Variants in QPCT observed in about 807,000 individuals in gnomAD.
QPCT encodes glutaminyl-peptide cyclotransferase.
A neutral mutation model predicts 43.4 loss-of-function variants in QPCT; 44 were observed. The observed-to-expected ratio is 1.01, with a 90% CI of 0.80 to 1.30. The LOEUF is 1.30. Among genes scored for constraint, QPCT ranks in the 50% most tolerant of loss-of-function variants. The probability of loss-of-function intolerance (pLI) is 0.00; values close to 1 mark genes in which losing one functional copy is unlikely to be tolerated. For synonymous variants in QPCT, 168 were observed against 168.4 expected (o/e 1.00, Z 0.02); for missense variants, 526 against 436.5 (o/e 1.21, Z -1.83).
intron 1 of QPCT, among the ~76,000 whole-genome samples, chr2:37,350,261 G>T (rs1191457934): frequency 6.6e-6 from 1 of 152,212 alleles, no homozygotes; most frequent in African/African-American, 2.4e-5. Flanking sequence ...GGTGAGGGGG[G>T]AGACCAGACA....
At chr2:37,354,229 T>C (rs1672692718) in intron 2 of QPCT, among the ~76,000 whole-genome samples, 1 of 152,222 alleles carries the variant, frequency 6.6e-6, no homozygotes, top group Non-Finnish European at 1.5e-5. Flanking sequence ...TCCATATGTC[T>C]GTGTCCCCAT....
chr2:37,347,245 T>A (rs946261519), intron 1 of QPCT, among the ~76,000 whole-genome samples: 2 of 108,116 alleles, frequency 1.8e-5, no homozygotes, highest in African/African-American at 3.7e-5. Context: ...TATATATATA[T>A]AACATATATA....
rs753696536 is a variant in QPCT, at chr2:37,359,796, G to A, written c.484G>A (p.Val162Met). Residue 162 changes from valine (V) to methionine (M), a missense_variant, in exon 3 of 7, where the codon GTG (valine) becomes ATG (methionine). By Grantham distance (21) the Val-to-Met change is conservative. Coordinates refer to ENST00000338415, the MANE Select transcript of QPCT (RefSeq NM_012413.4). ...GTTTGTAGGAGCCACTGATTCAGCC[G>A]TGCCATGTGCAATGATGTTGGAACT... ...RVFVGATDSAVPCAMMLELAR... is the reference protein window; with the variant it reads ...RVFVGATDSAMPCAMMLELAR... 21 of 1,614,046 alleles carry A rather than the reference G, an allele frequency of 1.3e-5. No homozygotes were observed. The highest frequency in any genetic ancestry group is 4.0e-5 in the African/African-American group (3 of 74,910).
At chr2:37,368,116 T>C (rs1358994583) in intron 4 of QPCT, among the ~76,000 whole-genome samples, 1 of 152,134 alleles carries the variant, frequency 6.6e-6, no homozygotes, top group Non-Finnish European at 1.5e-5. Context: ...AAGAATTTCC[T>C]TGGTGGCTTC....
At chr2:37,362,399 A>C (rs1466869892) in intron 3 of QPCT, among the ~76,000 whole-genome samples, 1 of 152,236 alleles carries the variant, frequency 6.6e-6, no homozygotes, top group Non-Finnish European at 1.5e-5. Flanking sequence ...TTAAACCCTG[A>C]GTGCATTTAT....
intron 1 of QPCT, among the ~76,000 whole-genome samples, chr2:37,351,754 C>A (rs979395025): frequency 2.6e-5 from 4 of 152,164 alleles, no homozygotes; most frequent in African/African-American, 9.6e-5. Flanking sequence ...TGGTGGCATG[C>A]ACCTGTAATC....
intron 1 of QPCT, among the ~76,000 whole-genome samples, chr2:37,347,183 T>TATATATAACATATATATAAC (rs1558599430): frequency 1.9e-4 from 11 of 56,908 alleles, no homozygotes; most frequent in Admixed American, 8.9e-4. Flanking sequence ...ATATATAACA[T>TATATATAACATATATATAAC]ATATATATAA....
chr2:37,368,628 A>G (rs767682185), intron 4 of QPCT: 16 of 471,066 alleles, frequency 3.4e-5, no homozygotes, highest in South Asian at 2.5e-4. Flanking sequence ...CCTGTTATCC[A>G]TTGGCAGCTC....
At chr2:37,345,596 G>A (rs1049144515) in intron 1 of QPCT, among the ~76,000 whole-genome samples, 1 of 152,146 alleles carries the variant, frequency 6.6e-6, no homozygotes, top group Non-Finnish European at 1.5e-5. Flanking sequence ...AGCACTTTGG[G>A]AGGCCGAGGC....
Position 37,372,842 on chromosome 2 carries a change from T to G in QPCT, c.*15T>G, listed in dbSNP as rs909086215. ...TTCATTTGTAATACTCTGATTTAGTTTAGGATAATTGGTTCTAGAATTGAA... is the reference window on the plus strand; with the variant it reads ...TTCATTTGTAATACTCTGATTTAGTGTAGGATAATTGGTTCTAGAATTGAA... On this transcript the variant is annotated 3_prime_UTR_variant, in exon 7 of 7. Coordinates refer to ENST00000338415, the MANE Select transcript of QPCT (RefSeq NM_012413.4). 1.9e-5 allele frequency: 30 copies of G among 1,587,820 alleles called. No individual in the cohort carries two copies. Among genetic ancestry groups the G allele is most frequent in the Non-Finnish European group, 2.6e-5 (30 of 1,165,006 alleles).
In QPCT at chr2:37,373,019, C is replaced by T; in HGVS notation, c.*192C>T. The T allele has an allele frequency of 2.3e-6, 1 of 433,540 alleles. No homozygotes were observed. The highest frequency in any genetic ancestry group is 4.2e-5 in the Admixed American group (1 of 23,568). 26.9% of individuals were successfully genotyped at this position (433,540 alleles called of 1,614,324 possible). ...TTGTGATATTGTGTCCTAAATTGCT[C>T]ATTAATTTTTATTTACAGATTGAAA... On this transcript the variant is annotated 3_prime_UTR_variant, in exon 7 of 7. Transcript: ENST00000338415.
chr2:37,344,710 G>T lies in QPCT; in HGVS notation c.-22G>T. 2 of 1,589,068 alleles carry T rather than the reference G, an allele frequency of 1.3e-6. No homozygotes were observed. Among genetic ancestry groups the T allele is most frequent in the African/African-American group, 1.4e-5 (1 of 73,902 alleles). ...TGACCGCCAGCGGCCCGGGGAACCC[G>T]CTCCCAGACAGACTCGGAGAGATGG... On this transcript the variant is annotated 5_prime_UTR_variant, in exon 1 of 7. Coordinates refer to ENST00000338415, the MANE Select transcript of QPCT (RefSeq NM_012413.4).
chr2:37,359,801 A>G lies in QPCT; in HGVS notation c.489A>G (p.Pro163=), dbSNP rs990687054. ...TAGGAGCCACTGATTCAGCCGTGCC[A>G]TGTGCAATGATGTTGGAACTTGCTC... ...VFVGATDSAV[P]CAMMLELARA... is the part of the protein sequence containing the mutation. Residue 163 remains proline, a synonymous_variant, in exon 3 of 7, where the codon CCA becomes CCG. Transcript: ENST00000338415. 3.7e-6 allele frequency: 6 copies of G among 1,614,218 alleles called. No homozygotes were observed. The highest frequency in any genetic ancestry group is 4.2e-6 in the Non-Finnish European group (5 of 1,180,034).
chr2:37,360,009 G>A, intron 3 of QPCT, 151 bp downstream of exon 3: 2 of 848,672 alleles, frequency 2.4e-6, no homozygotes, highest in Non-Finnish European at 1.8e-6. Context: ...AAGATTGCAT[G>A]ATTGGGAATA....
At position 37,352,919 on chromosome 2, in the gene QPCT, G is replaced by A. The variant is rs1214399101; in HGVS notation, c.251G>A (p.Ser84Asn). The change falls in exon 2 of 7, where the codon AGC becomes AAC. Residue 84 changes from serine to asparagine, a missense_variant. Transcript: ENST00000338415. Reference protein sequence around the residue: ...LIERYPGSPGSYAARQHIMQR... With the variant: ...LIERYPGSPGNYAARQHIMQR... ...GAGCGATACCCGGGATCCCCTGGAA[G>A]CTATGCTGCTCGTCAGGTGAGAACA... 6.2e-7 allele frequency: 1 copy of A among 1,613,722 alleles called. No individual in the cohort carries two copies.
intron 2 of QPCT, among the ~76,000 whole-genome samples, chr2:37,356,615 G>A (rs1441502925): frequency 2.0e-5 from 3 of 152,132 alleles, no homozygotes; most frequent in Non-Finnish European, 2.9e-5. Flanking sequence ...CAAAACAAGG[G>A]ATATTGGTGA....
intron 2 of QPCT, among the ~76,000 whole-genome samples, chr2:37,354,749 A>T (rs1374023921): frequency 2.0e-5 from 3 of 152,050 alleles, no homozygotes; most frequent in Non-Finnish European, 2.9e-5. Context: ...TTTAATTGGC[A>T]TTTTCCAAAA....
chr2:37,366,521 G>A (rs981921860), intron 3 of QPCT, among the ~76,000 whole-genome samples: 1 of 152,216 alleles, frequency 6.6e-6, no homozygotes. Flanking sequence ...GCAGACTCTT[G>A]AAGCTAGACT....
chr2:37,356,983 G>T (rs1035942009), intron 2 of QPCT, among the ~76,000 whole-genome samples: 1 of 150,262 alleles, frequency 6.7e-6, no homozygotes, highest in African/African-American at 2.5e-5. Flanking sequence ...CTCCAGCCTG[G>T]CGACAGAGTG....
Sources: gnomAD v4.1 joint callset for allele counts (sites outside exome capture counted in the v4.1 genomes callset) on GRCh38, gnomAD v4.1.1 for gene constraint, MANE v1.5 for transcripts, NCBI Gene and HGNC (gene_info 2026-07-23, HGNC 2026-07-21) for gene names.